The following MGMT variants were observed in gnomAD, a reference collection of about 807,000 sequenced individuals.
The protein encoded by MGMT is methylated-DNA--protein-cysteine methyltransferase.
A neutral mutation model predicts 15.9 loss-of-function variants in MGMT; 14 were observed. The observed-to-expected ratio is 0.88, with a 90% CI of 0.58 to 1.37. The LOEUF (loss-of-function observed/expected upper bound fraction) is 1.37, where lower values mean the gene tolerates loss of function less well. Ranked by LOEUF, MGMT falls within the 40% of genes most tolerant of loss-of-function variation. The pLI, the probability that MGMT is intolerant of heterozygous loss-of-function variation, is 0.00. For synonymous variants in MGMT, 130 were observed against 118.2 expected, an observed-to-expected ratio of 1.10 and a Z score of -0.65; for missense variants, 282 against 268.1, an observed-to-expected ratio of 1.05 and a Z score of -0.36.
In MGMT at chr10:129,533,686, A is replaced by C. The variant is rs148640935; in HGVS notation, c.-12-2555A>C. Among the ~76,000 whole-genome samples the C allele has an allele frequency of 2.0e-3, 302 of 152,268 alleles. 4 individuals are homozygous for C. Among genetic ancestry groups the C allele is most frequent in the Admixed American group, 0.018 (270 of 15,296 alleles). On this transcript the variant is annotated intron_variant, in intron 1 of 4. Transcript: ENST00000651593. The surrounding 1 kb of genome is among the most constrained non-coding windows in gnomAD (Gnocchi z 4.5). ...TGGATGGTGGTCACACTGGTAATTC[A>C]GTTCCACAAGTATTTTATGAGCCCC...
chr10:129,731,641 G>A (rs1398639288), intron 3 of MGMT, among the ~76,000 whole-genome samples: 1 of 152,066 alleles, frequency 6.6e-6, no homozygotes, highest in East Asian at 1.9e-4. Context: ...TGATCCACCT[G>A]CCTCGGCCTC....
At position 129,662,237 on chromosome 10, in the gene MGMT, A is replaced by T. The variant is rs113475984; in HGVS notation, c.126-45658A>T. Among the ~76,000 whole-genome samples the T allele has an allele frequency of 7.2e-3, 1,096 of 152,304 alleles. 9 individuals carry two copies. The highest frequency in any genetic ancestry group is 0.025 in the African/African-American group (1,033 of 41,562). ...AAGATCATGCCCTACTGTATAGGTC[A>T]TAGGTAGGAATCAAAGGAAACTATT... On this transcript the variant is annotated intron_variant, in intron 2 of 4. Transcript: ENST00000651593.
At chr10:129,478,222 T>A (rs1355340981) in intron 1 of MGMT, among the ~76,000 whole-genome samples, 1 of 31,942 alleles carries the variant, frequency 3.1e-5, no homozygotes, top group African/African-American at 1.4e-4. Context: ...ATTCTTTTTG[T>A]TGGTTGGTTG....
chr10:129,557,463 A>G (rs1370604105), intron 2 of MGMT, among the ~76,000 whole-genome samples: 3 of 152,210 alleles, frequency 2.0e-5, no homozygotes, highest in Admixed American at 1.3e-4. Flanking sequence ...GTGTTGCTGC[A>G]TATATTTCTT....
At chr10:129,658,813 A>G (rs1483058552) in intron 2 of MGMT, among the ~76,000 whole-genome samples, 1 of 152,172 alleles carries the variant, frequency 6.6e-6, no homozygotes, top group Non-Finnish European at 1.5e-5. Context: ...CCCCTTCCTC[A>G]GTGTCCTTAA....
chr10:129,558,353 G>A (rs1391911047), intron 2 of MGMT, among the ~76,000 whole-genome samples: 2 of 152,216 alleles, frequency 1.3e-5, no homozygotes, highest in African/African-American at 4.8e-5. Context: ...GTTATAGGAT[G>A]CAAATAGGAA....
intron 1 of MGMT, among the ~76,000 whole-genome samples, chr10:129,494,998 A>G (rs1488507294): frequency 1.3e-5 from 2 of 152,236 alleles, no homozygotes; most frequent in Non-Finnish European, 2.9e-5. Context: ...GAAGCGGAGA[A>G]GAATAAAAGA....
At chr10:129,601,260 A>T (rs1028963599) in intron 2 of MGMT, among the ~76,000 whole-genome samples, 1 of 152,200 alleles carries the variant, frequency 6.6e-6, no homozygotes, top group African/African-American at 2.4e-5. Flanking sequence ...AAACAGTAGT[A>T]TACAAACTTG....
At chr10:129,677,725 G>A (rs1024092058) in intron 2 of MGMT, among the ~76,000 whole-genome samples, 1 of 152,222 alleles carries the variant, frequency 6.6e-6, no homozygotes, top group African/African-American at 2.4e-5. Flanking sequence ...GGTACTGGCT[G>A]TGATCGGACT....
chr10:129,705,387 A>G (rs928789873), intron 2 of MGMT, among the ~76,000 whole-genome samples: 4 of 152,214 alleles, frequency 2.6e-5, no homozygotes, highest in East Asian at 1.9e-4. Flanking sequence ...CTTTAAGCCA[A>G]AGTAATTTGT....
chr10:129,479,904 G>C (rs1299090125), intron 1 of MGMT, among the ~76,000 whole-genome samples: 1 of 152,120 alleles, frequency 6.6e-6, no homozygotes, highest in Non-Finnish European at 1.5e-5. Flanking sequence ...ATCCCAAAGA[G>C]ATTACCTGAG....
At chr10:129,546,156 G>C (rs1230531261) in intron 2 of MGMT, among the ~76,000 whole-genome samples, 1 of 152,248 alleles carries the variant, frequency 6.6e-6, no homozygotes, top group African/African-American at 2.4e-5. Flanking sequence ...CTCCGTGTCA[G>C]ACCAGATGGC....
At chr10:129,672,853 GT>G (rs920378592) in intron 2 of MGMT, among the ~76,000 whole-genome samples, 13 of 152,084 alleles carry the variant, frequency 8.5e-5, no homozygotes, top group African/African-American at 3.1e-4. Context: ...GGGTCTAGTT[GT>G]TTTTTATTTT....
chr10:129,657,363 A>G (rs1471097252), intron 2 of MGMT, among the ~76,000 whole-genome samples: 1 of 143,976 alleles, frequency 6.9e-6, no homozygotes, highest in Admixed American at 6.9e-5. Context: ...AATTAATGTA[A>G]CAAATACTTA....
intron 1 of MGMT, among the ~76,000 whole-genome samples, chr10:129,473,964 G>C (rs1631420): frequency 0.41 from 61,972 of 152,108 alleles, 14,192 homozygotes; most frequent in East Asian, 0.62. Flanking sequence ...TGTCCCTGCA[G>C]GCCAGGGACC....
At chr10:129,616,339 C>T (rs539515505) in intron 2 of MGMT, among the ~76,000 whole-genome samples, 5 of 152,306 alleles carry the variant, frequency 3.3e-5, no homozygotes, top group African/African-American at 7.2e-5. Context: ...GCAGGAAGGC[C>T]AGTGCTGGTC....
intron 2 of MGMT, among the ~76,000 whole-genome samples, chr10:129,666,178 C>G (rs1186717917): frequency 1.3e-5 from 2 of 152,134 alleles, no homozygotes; most frequent in Non-Finnish European, 2.9e-5. Flanking sequence ...ATTCTTGTAA[C>G]TTTTCTGCAA....
At chr10:129,738,279 G>A (rs1214616666) in intron 3 of MGMT, among the ~76,000 whole-genome samples, 7 of 152,186 alleles carry the variant, frequency 4.6e-5, no homozygotes, top group African/African-American at 1.2e-4. Flanking sequence ...TAAGCCCGTC[G>A]GAAAAGGGCA....
At chr10:129,482,172 A>G (rs377242523) in intron 1 of MGMT, among the ~76,000 whole-genome samples, 6 of 152,186 alleles carry the variant, frequency 3.9e-5, no homozygotes, top group East Asian at 3.8e-4. Context: ...GTTATTTATT[A>G]GTACATCATT....
Sources: allele counts gnomAD v4.1 joint callset (sites outside exome capture counted in the v4.1 genomes callset), GRCh38; gene constraint gnomAD v4.1.1; non-coding constraint Gnocchi (gnomAD v3.1); transcripts MANE v1.5; gene names NCBI Gene and HGNC (gene_info 2026-07-23, HGNC 2026-07-21).